VPS4A: variants seen among roughly 807,000 people sequenced by gnomAD.
VPS4A encodes vacuolar protein sorting-associated protein 4A.
In VPS4A, 20 loss-of-function variants were observed where a neutral mutation model predicts 52.3. That is an observed-to-expected ratio of 0.38 (90% confidence interval 0.27 to 0.56). VPS4A has a LOEUF of 0.56. Ranked by LOEUF, VPS4A falls within the 20% of genes least tolerant of loss-of-function variation. The pLI is 0.72. For synonymous variants in VPS4A, 293 were observed against 227.7 expected (o/e 1.29, Z -2.58); for missense variants, 419 against 575.9 (o/e 0.73, Z 2.79).
chr16:69,325,732 C>T lies in VPS4A; in HGVS notation c.*1423C>T, dbSNP rs988848062. ...TGGGCGACAGAGCAAGACTCTGTCT[C>T]AAAAAAAAAAAAAAAGTCGAGAGTT... is the stretch of plus-strand genomic sequence containing the variant. On this transcript the variant is annotated 3_prime_UTR_variant, in exon 11 of 11. Coordinates refer to ENST00000254950, the MANE Select transcript of VPS4A (RefSeq NM_013245.3). The T allele has an allele frequency of 1.8e-5, 2 of 109,692 alleles. No homozygotes were observed. The highest frequency in any genetic ancestry group is 6.8e-5 in the African/African-American group (2 of 29,308). The allele number at this position is 109,692 out of a possible 1,614,324, so 6.8% of individuals were successfully genotyped here. A position where few individuals can be genotyped will look rare whatever the true frequency, so the allele number is the denominator to read the frequency against.
intron 5 of VPS4A, 111 bp downstream of exon 5, chr16:69,319,053 G>A: frequency 6.8e-7 from 1 of 1,476,380 alleles, no homozygotes; most frequent in South Asian, 1.3e-5. Context: ...GGCCTGCAGA[G>A]GGCCAGGCCT....
Position 69,320,324 on chromosome 16 carries a change from T to C in VPS4A, c.769+35T>C, listed in dbSNP as rs1156508008. ...GGGCCCAGGGCCCCCTTGGTTCTTG[T>C]TGCACCTGAAGCCAACCCTGGGCTT... is the stretch of plus-strand genomic sequence containing the variant. On this transcript the variant is annotated intron_variant, in intron 7 of 10. Transcript: ENST00000254950. The surrounding 1 kb of genome is among the most constrained non-coding windows in gnomAD (Gnocchi z 4.2). 2 of 1,603,070 alleles carry C rather than the reference T, an allele frequency of 1.2e-6. No homozygotes were observed. The highest frequency in any genetic ancestry group is 1.7e-5 in the Admixed American group (1 of 59,766).
chr16:69,322,401 G>C (rs1006994103), intron 9 of VPS4A, 159 bp from the exon 10 acceptor site: 4 of 664,598 alleles, frequency 6.0e-6, no homozygotes, highest in South Asian at 2.6e-5. Context: ...CAAATCATGA[G>C]TCGCTCGGAC....
rs1044525362 is a variant in VPS4A at position 69,320,051 on chromosome 16, T to A, written c.621-90T>A. On this transcript the variant is annotated intron_variant, in intron 6 of 10. Transcript: ENST00000254950. The surrounding 1 kb of genome is among the most constrained non-coding windows in gnomAD (Gnocchi z 4.2). Reference sequence around the variant, plus strand: ...GGCATGACCGTGGCCTGCGCCTCCCTGTGGGAAGGGTGAGAAGAGGGAAGT... The same window carrying A: ...GGCATGACCGTGGCCTGCGCCTCCCAGTGGGAAGGGTGAGAAGAGGGAAGT... 6.7e-7 allele frequency: 1 copy of A among 1,486,362 alleles called. No individual in the cohort carries two copies. Among genetic ancestry groups the A allele is most frequent in the Non-Finnish European group, 9.0e-7 (1 of 1,105,720 alleles). 92.1% of individuals were successfully genotyped at this position (1,486,362 alleles called of 1,614,324 possible).
rs1965587382 is a variant in VPS4A, at chr16:69,325,878, C to G, written c.*1569C>G. 1 of 152,220 alleles carries G rather than the reference C, an allele frequency of 6.6e-6. No homozygotes were observed. The highest frequency in any genetic ancestry group is 2.4e-5 in the African/African-American group (1 of 41,408). The allele number at this position is 152,220 out of a possible 1,614,324, so 9.4% of individuals were successfully genotyped here. Reference sequence around the variant, plus strand: ...GAGGCTGCTCTGTACAGAAGGGGTCCCCCATCCCCACTCATCTGTGTTGCC... The same window carrying G: ...GAGGCTGCTCTGTACAGAAGGGGTCGCCCATCCCCACTCATCTGTGTTGCC... On this transcript the variant is annotated 3_prime_UTR_variant, in exon 11 of 11. Coordinates refer to ENST00000254950, the MANE Select transcript of VPS4A (RefSeq NM_013245.3).
chr16:69,323,827 G>A (rs1965545307), intron 10 of VPS4A: 3 of 369,168 alleles, frequency 8.1e-6, no homozygotes, highest in South Asian at 6.0e-5. Context: ...GCACGTGCCT[G>A]TAGTCCCAGC....
Position 69,316,077 on chromosome 16 carries a change from C to G in VPS4A, c.91C>G (p.Leu31Val). ...CAAGAACTACGAGGAGGCGCTGCGG[C>G]TGTACCAGCATGCGGTGGAGTACTT... ...KAKNYEEALR[L>V]YQHAVEYFLH... Residue 31 changes from leucine to valine, a missense_variant, in exon 2 of 11, where the codon CTG becomes GTG. Around this residue, in one of 3 missense-constraint regions of VPS4A, gnomAD observed 131 missense variants for 165.4 expected, o/e 0.79. Coordinates refer to ENST00000254950, the MANE Select transcript of VPS4A (RefSeq NM_013245.3). The G allele has an allele frequency of 6.2e-7, 1 of 1,613,518 alleles. No homozygotes were observed.
chr16:69,316,458 C>T, intron 3 of VPS4A, 86 bp downstream of exon 3: 1 of 1,548,872 alleles, frequency 6.5e-7, no homozygotes, highest in Non-Finnish European at 8.8e-7. Flanking sequence ...CTTGGACTTC[C>T]CTGTGGGAAT....
rs1340355306 is a variant in VPS4A at position 69,321,433 on chromosome 16, G to A, written c.1071+163G>A. ...CAGTGCCATGGGGGCTGCACCCACT[G>A]TCCCCTCCCTGCAGCTCTTCTGGAG... On this transcript the variant is annotated intron_variant, in intron 9 of 10. Coordinates refer to ENST00000254950, the MANE Select transcript of VPS4A (RefSeq NM_013245.3). The surrounding 1 kb of genome is among the most constrained non-coding windows in gnomAD (Gnocchi z 4.5). The A allele has an allele frequency of 4.2e-6, 3 of 717,344 alleles. No individual in the cohort carries two copies. The highest frequency in any genetic ancestry group is 6.8e-6 in the Non-Finnish European group (3 of 440,314). 44.4% of individuals were successfully genotyped at this position (717,344 alleles called of 1,614,324 possible).
In VPS4A at chr16:69,320,068, G is replaced by A. The variant is rs1438803684; in HGVS notation, c.621-73G>A. On this transcript the variant is annotated intron_variant, in intron 6 of 10. Transcript: ENST00000254950. The surrounding 1 kb of genome is among the most constrained non-coding windows in gnomAD (Gnocchi z 4.2). ...CGCCTCCCTGTGGGAAGGGTGAGAA[G>A]AGGGAAGTGCCGGGAGCCCAGGCGG... 1 of 1,525,986 alleles carries A rather than the reference G, an allele frequency of 6.6e-7. No individual in the cohort carries two copies. The highest frequency in any genetic ancestry group is 8.9e-7 in the Non-Finnish European group (1 of 1,127,998). 94.5% of individuals were successfully genotyped at this position (1,525,986 alleles called of 1,614,324 possible). A position where few individuals can be genotyped will look rare whatever the true frequency, so the allele number is the denominator to read the frequency against.
Position 69,311,371 on chromosome 16 carries a change from T to A in VPS4A, c.-141T>A. 1 of 955,646 alleles carries A rather than the reference T, an allele frequency of 1.0e-6. No homozygotes were observed. Among genetic ancestry groups the A allele is most frequent in the Non-Finnish European group, 1.4e-6 (1 of 735,762 alleles). The allele number at this position is 955,646 out of a possible 1,614,324, so 59.2% of individuals were successfully genotyped here. A position where few individuals can be genotyped will look rare whatever the true frequency, so the allele number is the denominator to read the frequency against. ...GCTTGCCCTCGGACTCGGCTCCCGCTGCGAGCGGCCGCCCTGCCCGCGCAC... is the reference window on the plus strand; with the variant it reads ...GCTTGCCCTCGGACTCGGCTCCCGCAGCGAGCGGCCGCCCTGCCCGCGCAC... On this transcript the variant is annotated 5_prime_UTR_variant, in exon 1 of 11. Transcript: ENST00000254950.
In VPS4A at chr16:69,319,508, A is replaced by G. The variant is rs1443655711; in HGVS notation, c.585A>G (p.Ser195=). ...NNSTFFSVSS[S]DLMSKWLGES... The stretch of plus-strand genomic sequence containing the variant: ...CCACCTTCTTCTCTGTGTCCTCCTC[A>G]GATCTGATGTCCAAGTGGCTGGGGG... Residue 195 remains serine (S), a synonymous_variant, in exon 6 of 11, where the codon TCA becomes TCG. Coordinates refer to ENST00000254950, the MANE Select transcript of VPS4A (RefSeq NM_013245.3). 1.2e-6 allele frequency: 2 copies of G among 1,613,914 alleles called. No homozygotes were observed. The highest frequency in any genetic ancestry group is 2.2e-5 in the East Asian group (1 of 44,884).
At chr16:69,319,357 A>G in intron 5 of VPS4A, 30 bp from the exon 6 acceptor site, 5 of 1,611,584 alleles carry the variant, frequency 3.1e-6, no homozygotes, top group Non-Finnish European at 4.2e-6. Flanking sequence ...CCCAGTCAGG[A>G]GGCCTAACTT....
At chr16:69,322,272 G>A (rs1965522655) in intron 9 of VPS4A, 1 of 259,468 alleles carries the variant, frequency 3.9e-6, no homozygotes, top group Non-Finnish European at 7.3e-6. Flanking sequence ...TTGAAATGTG[G>A]GTGGGGGCAC....
chr16:69,323,492 G>C, intron 10 of VPS4A: 1 of 361,330 alleles, frequency 2.8e-6, no homozygotes, highest in South Asian at 2.0e-5. Flanking sequence ...GTCAGGTCCA[G>C]ATAATATGAC....
intron 2 of VPS4A, 46 bp downstream of exon 2, chr16:69,316,165 G>A: frequency 6.2e-7 from 1 of 1,612,060 alleles, no homozygotes; most frequent in Non-Finnish European, 8.5e-7. Context: ...CCAGAGGGGA[G>A]CGGAGGAGAG....
chr16:69,320,546 C>G lies in VPS4A; in HGVS notation c.770-142C>G. The G allele has an allele frequency of 3.6e-6, 3 of 838,334 alleles. No individual in the cohort carries two copies. The highest frequency in any genetic ancestry group is 2.7e-5 in the Admixed American group (1 of 37,132). The allele number at this position is 838,334 out of a possible 1,614,324, so 51.9% of individuals were successfully genotyped here. ...CAGCCAGACCAAGATGTGGTTTAAT[C>G]TCACTTGGGACCCTGCCAGTGGTGG... On this transcript the variant is annotated intron_variant, in intron 7 of 10. Coordinates refer to ENST00000254950, the MANE Select transcript of VPS4A (RefSeq NM_013245.3). The surrounding 1 kb of genome is among the most constrained non-coding windows in gnomAD (Gnocchi z 4.2).
In VPS4A at chr16:69,322,335, A is replaced by G. The variant is rs1435424549; in HGVS notation, c.1072-225A>G. On this transcript the variant is annotated intron_variant, in intron 9 of 10. Coordinates refer to ENST00000254950, the MANE Select transcript of VPS4A (RefSeq NM_013245.3). ...CACTGTATTCCTGGTGAGACGTGAC[A>G]GTGTTAATGAGGAAGACATCAAGGC... 4 of 435,648 alleles carry G rather than the reference A, an allele frequency of 9.2e-6. No individual in the cohort carries two copies. The East Asian group carries it at 1.4e-4, about 16-fold the overall frequency. The allele number at this position is 435,648 out of a possible 1,614,324, so 27.0% of individuals were successfully genotyped here.
chr16:69,316,616 C>T (rs984723554), intron 3 of VPS4A, among the ~76,000 whole-genome samples: 36 of 152,098 alleles, frequency 2.4e-4, no homozygotes, highest in Admixed American at 2.6e-4. Context: ...CCTCTCAGGA[C>T]GGGACCCCAG....
Sources: allele counts gnomAD v4.1 joint callset (sites outside exome capture counted in the v4.1 genomes callset), GRCh38; gene constraint gnomAD v4.1.1; regional missense constraint gnomAD v4.1.1; non-coding constraint Gnocchi (gnomAD v3.1); transcripts MANE v1.5; gene names NCBI Gene and HGNC (gene_info 2026-07-23, HGNC 2026-07-21).